The following VIT variants were observed in gnomAD, a reference collection of about 807,000 sequenced individuals.
VIT encodes the protein vitrin.
In VIT, 99 loss-of-function variants were observed where a neutral mutation model predicts 78.0. That is an observed-to-expected ratio of 1.27 (90% CI 1.08 to 1.50). The LOEUF (loss-of-function observed/expected upper bound fraction) is 1.50, where lower values mean the gene tolerates loss of function less well. VIT is among the 40% of genes most tolerant of loss of function. The pLI, the probability that VIT is intolerant of heterozygous loss-of-function variation, is 0.00. For missense variants in VIT, 1,126 were observed against 875.3 expected (o/e 1.29, Z -3.61); for synonymous variants, 374 against 334.3 (o/e 1.12, Z -1.29).
intron 4 of VIT, among the ~76,000 whole-genome samples, chr2:36,751,547 G>A (rs1162583587): frequency 1.3e-5 from 2 of 152,228 alleles, no homozygotes; most frequent in South Asian, 2.1e-4. Flanking sequence ...CAAGCAAGGT[G>A]TAGACTTTAC....
chr2:36,724,163 C>T (rs1333178134), intron 2 of VIT, among the ~76,000 whole-genome samples: 5 of 151,846 alleles, frequency 3.3e-5, no homozygotes, highest in Non-Finnish European at 5.9e-5. Context: ...GGATTACAGG[C>T]GCCAGCCACC....
chr2:36,699,509 G>A (rs1664888240), intron 1 of VIT, among the ~76,000 whole-genome samples: 1 of 75,902 alleles, frequency 1.3e-5, no homozygotes, highest in Admixed American at 2.1e-4. Flanking sequence ...AAGACAATTA[G>A]AGGGGGTTAT....
intron 13 of VIT, among the ~76,000 whole-genome samples, chr2:36,804,809 A>T (rs1666587478): frequency 1.3e-5 from 2 of 151,720 alleles, no homozygotes; most frequent in Admixed American, 1.3e-4. Flanking sequence ...CAGCCTGGCA[A>T]CAGAGTGAGA....
chr2:36,743,885 T>C (rs1475266181), intron 4 of VIT, among the ~76,000 whole-genome samples: 2 of 152,156 alleles, frequency 1.3e-5, no homozygotes, highest in East Asian at 3.8e-4. Context: ...ATGCTGGGGT[T>C]TGGAGTACAA....
intron 6 of VIT, among the ~76,000 whole-genome samples, chr2:36,766,065 C>T (rs1002625866): frequency 6.6e-6 from 1 of 152,240 alleles, no homozygotes; most frequent in Non-Finnish European, 1.5e-5. Flanking sequence ...GTTCTCAAGA[C>T]AAACCCCAAT....
At position 36,743,117 on chromosome 2, in the gene VIT, T is replaced by C. The variant is rs764739230; in HGVS notation, c.136T>C (p.Cys46Arg). Residue 46 changes from cysteine to arginine, a missense_variant, in exon 4 of 16, where the codon TGC becomes CGC. Cys to Arg is a radical substitution (Grantham distance 180, BLOSUM62 -3). Transcript: ENST00000379242. Reference protein sequence around the residue: ...RPKFTVPQINCDVKAGKIIDP... With the variant: ...RPKFTVPQINRDVKAGKIIDP... Reference sequence around the variant, plus strand: ...ATTCCCAGCTGTGCCTCAGATCAACTGCGATGTCAAAGCCGGAAAGATCAT... The same window carrying C: ...ATTCCCAGCTGTGCCTCAGATCAACCGCGATGTCAAAGCCGGAAAGATCAT... 6 of 1,614,054 alleles carry C rather than the reference T, an allele frequency of 3.7e-6. No homozygotes were observed. The highest frequency in any genetic ancestry group is 1.7e-5 in the Admixed American group (1 of 60,000).
At chr2:36,812,280 A>G (rs1321061345) in intron 15 of VIT, among the ~76,000 whole-genome samples, 9 of 152,124 alleles carry the variant, frequency 5.9e-5, no homozygotes, top group Non-Finnish European at 1.2e-4. Flanking sequence ...CACCCAGAAG[A>G]TGCTGGAAAT....
At chr2:36,740,267 T>C (rs563674498) in intron 3 of VIT, among the ~76,000 whole-genome samples, 29 of 152,302 alleles carry the variant, frequency 1.9e-4, no homozygotes, top group Non-Finnish European at 3.1e-4. Context: ...ATCCGTTTCA[T>C]CTGGGCCTTA....
At chr2:36,789,373 A>C (rs1015680751) in intron 12 of VIT, among the ~76,000 whole-genome samples, 1 of 152,226 alleles carries the variant, frequency 6.6e-6, no homozygotes, top group African/African-American at 2.4e-5. Flanking sequence ...GAAGACATCC[A>C]GTAAATGAAT....
At chr2:36,808,402 A>AT in intron 14 of VIT, 70 bp from the exon 15 acceptor site, 1 of 1,518,876 alleles carries the variant, frequency 6.6e-7, no homozygotes, top group Non-Finnish European at 8.8e-7. Flanking sequence ...GCCCCGGGGG[A>AT]TCAAGCCTAA....
At chr2:36,789,530 C>T (rs760317243) in intron 12 of VIT, among the ~76,000 whole-genome samples, 1 of 152,112 alleles carries the variant, frequency 6.6e-6, no homozygotes, top group Non-Finnish European at 1.5e-5. Flanking sequence ...AATGAGAGGG[C>T]GGCCCGAGAA....
At chr2:36,738,248 T>C (rs1282140364) in intron 3 of VIT, among the ~76,000 whole-genome samples, 1 of 152,190 alleles carries the variant, frequency 6.6e-6, no homozygotes, top group Non-Finnish European at 1.5e-5. Flanking sequence ...CCTTCAGTCA[T>C]GGAAGTGGCA....
At chr2:36,733,350 C>T (rs1359825053) in intron 3 of VIT, among the ~76,000 whole-genome samples, 2 of 151,252 alleles carry the variant, frequency 1.3e-5, no homozygotes, top group South Asian at 2.1e-4. Flanking sequence ...CTCTCCCCCC[C>T]TCTCTCTCTC....
chr2:36,781,891 T>A, intron 10 of VIT, 120 bp downstream of exon 10: 1 of 1,200,574 alleles, frequency 8.3e-7, no homozygotes, highest in Non-Finnish European at 1.2e-6. Flanking sequence ...GGATTTCTAA[T>A]GGCTCCCGCC....
At position 36,787,016 on chromosome 2, in the gene VIT, TC is replaced by T. The variant is rs1425302351; in HGVS notation, c.911-110del. On this transcript the variant is annotated intron_variant, in intron 11 of 15. Coordinates refer to ENST00000379242, the MANE Select transcript of VIT (RefSeq NM_053276.4). ...TACCCTGCATCTTCCTACCTCTTTT[TC>T]CCTTTCTTTTCATTTCTCAGGGGGC... is the stretch of plus-strand genomic sequence containing the variant. 14 of 1,361,194 alleles carry T rather than the reference TC, an allele frequency of 1.0e-5. No homozygotes were observed. The Admixed American group carries it at 1.4e-4, about 13-fold the overall frequency. The allele number at this position is 1,361,194 out of a possible 1,614,324, so 84.3% of individuals were successfully genotyped here.
At chr2:36,714,792 C>T (rs1666021582) in intron 1 of VIT, among the ~76,000 whole-genome samples, 1 of 152,092 alleles carries the variant, frequency 6.6e-6, no homozygotes, top group Non-Finnish European at 1.5e-5. Flanking sequence ...TCTTAGTTTC[C>T]TCATCTGTTC....
intron 3 of VIT, among the ~76,000 whole-genome samples, chr2:36,741,851 G>T (rs536349259): frequency 6.6e-6 from 1 of 152,256 alleles, no homozygotes; most frequent in South Asian, 2.1e-4. Flanking sequence ...TCAGTTCCTA[G>T]AAAGTTCTTC....
At chr2:36,720,116 T>C (rs1043836995) in intron 2 of VIT, among the ~76,000 whole-genome samples, 6 of 152,158 alleles carry the variant, frequency 3.9e-5, no homozygotes, top group African/African-American at 1.4e-4. Context: ...TCCGATGGCA[T>C]TTTTCACAGA....
At chr2:36,773,755 A>T (rs762442858) in intron 7 of VIT, 36 bp from the exon 8 acceptor site, 2 of 1,474,252 alleles carry the variant, frequency 1.4e-6, no homozygotes, top group African/African-American at 1.4e-5. Flanking sequence ...TTAATTAAAT[A>T]AAATTCATGC....
Sources: allele counts gnomAD v4.1 joint callset (sites outside exome capture counted in the v4.1 genomes callset), GRCh38; gene constraint gnomAD v4.1.1; transcripts MANE v1.5; gene names NCBI Gene and HGNC (gene_info 2026-07-23, HGNC 2026-07-21).